RTTN: variants seen among roughly 807,000 people sequenced by gnomAD.
The protein encoded by RTTN is rotatin.
A neutral mutation model predicts 269.2 loss-of-function variants in RTTN; 182 were observed. The ratio of observed to expected loss-of-function variants is 0.68; its 90% CI spans 0.60 to 0.76. The LOEUF (loss-of-function observed/expected upper bound fraction) is 0.76. RTTN is among the 30% of genes least tolerant of loss of function. RTTN has a pLI of 0.00. For missense variants in RTTN, 2,545 were observed against 2,608.6 expected (o/e 0.98, Z 0.53); for synonymous variants, 1,006 against 963.5 (o/e 1.04, Z -0.82).
chr18:70,198,074 C>A (rs1032738488), intron 5 of RTTN, among the ~76,000 whole-genome samples: 4 of 152,278 alleles, frequency 2.6e-5, no homozygotes, highest in Admixed American at 2.6e-4. Flanking sequence ...AAAGAGCACA[C>A]AATTCTAGGA....
In RTTN at chr18:70,048,173, C is replaced by T; in HGVS notation, c.5339G>A (p.Cys1780Tyr). The T allele has an allele frequency of 1.2e-6, 2 of 1,613,878 alleles. No homozygotes were observed. The highest frequency in any genetic ancestry group is 1.3e-5 in the African/African-American group (1 of 75,040). ...AGGACACGTGGCAGACAAGCCTGCA[C>T]ATGTGCAGAACATATCTAAAGGAAT... The part of the protein sequence containing the change: ...WTAAIDMFCT[C>Y]AGLSATCPAL... The change falls in exon 40 of 49, where the codon TGT becomes TAT. Residue 1780 changes from cysteine to tyrosine, a missense_variant. Transcript: ENST00000640769.
Position 70,092,096 on chromosome 18 carries a change from T to C in RTTN, c.4143+14A>G. The C allele has an allele frequency of 6.5e-7, 1 of 1,528,044 alleles. No individual in the cohort carries two copies. 94.7% of individuals were successfully genotyped at this position (1,528,044 alleles called of 1,614,324 possible). A position where few individuals can be genotyped will look rare whatever the true frequency, so the allele number is the denominator to read the frequency against. ...AATCTAAACACAATACACTTGATTC[T>C]CCTTCACACTCACCTCTGGGTCCCG... On this transcript the variant is annotated intron_variant, in intron 30 of 48. Transcript: ENST00000640769.
chr18:70,155,163 T>A (rs2060641257), intron 14 of RTTN, among the ~76,000 whole-genome samples: 1 of 152,214 alleles, frequency 6.6e-6, no homozygotes, highest in South Asian at 2.1e-4. Context: ...ATTCTTTTTA[T>A]TATTTCAACA....
chr18:70,188,545 A>G (rs2061599500), intron 9 of RTTN, among the ~76,000 whole-genome samples: 1 of 152,246 alleles, frequency 6.6e-6, no homozygotes, highest in South Asian at 2.1e-4. Flanking sequence ...TTTACACGTA[A>G]TATGTGACAA....
At chr18:70,148,812 T>C in intron 17 of RTTN, 89 bp downstream of exon 17, 1 of 1,498,906 alleles carries the variant, frequency 6.7e-7, no homozygotes, top group East Asian at 2.3e-5. Flanking sequence ...AAAAATTCTT[T>C]AGTTTTGTTT....
At chr18:70,151,106 T>C (rs779952024) in intron 14 of RTTN, among the ~76,000 whole-genome samples, 67 of 149,640 alleles carry the variant, frequency 4.5e-4, no homozygotes, top group Non-Finnish European at 8.3e-4. Context: ...TGAAAAGACT[T>C]CAAGGACTTC....
intron 27 of RTTN, among the ~76,000 whole-genome samples, chr18:70,113,081 G>A (rs1008870944): frequency 6.6e-6 from 1 of 152,044 alleles, no homozygotes; most frequent in Non-Finnish European, 1.5e-5. Context: ...AGCAAATAAC[G>A]AAATGAAGGC....
intron 33 of RTTN, chr18:70,075,029 CA>C (rs2058390788): frequency 5.8e-6 from 1 of 171,898 alleles, no homozygotes. Context: ...TACTGATGGG[CA>C]TAACTTATAA....
chr18:70,075,952 T>C (rs1345971113), intron 32 of RTTN, among the ~76,000 whole-genome samples: 1 of 152,096 alleles, frequency 6.6e-6, no homozygotes, highest in Non-Finnish European at 1.5e-5. Flanking sequence ...CAGAATTATT[T>C]TTTATACCTA....
chr18:70,154,256 G>T (rs1225280011), intron 14 of RTTN, among the ~76,000 whole-genome samples: 1 of 151,046 alleles, frequency 6.6e-6, no homozygotes, highest in Admixed American at 6.6e-5. Context: ...AAATTATCTG[G>T]ATGTTAATTT....
In RTTN at chr18:70,004,104, T is replaced by C. The variant is rs965144587; in HGVS notation, c.*47A>G. ...ACACACAGCTGGCTTCAACTTTAGC[T>C]CCCCTGTTGATGACTGTCAGCTTCA... On this transcript the variant is annotated 3_prime_UTR_variant, in exon 49 of 49. Coordinates refer to ENST00000640769, the MANE Select transcript of RTTN (RefSeq NM_173630.4). 6.9e-7 allele frequency: 1 copy of C among 1,443,850 alleles called. No individual in the cohort carries two copies. Among genetic ancestry groups the C allele is most frequent in the Non-Finnish European group, 9.7e-7 (1 of 1,025,898 alleles). 89.4% of individuals were successfully genotyped at this position (1,443,850 alleles called of 1,614,324 possible). A position where few individuals can be genotyped will look rare whatever the true frequency, so the allele number is the denominator to read the frequency against.
intron 3 of RTTN, 63 bp downstream of exon 3, chr18:70,204,023 C>T: frequency 1.6e-6 from 2 of 1,248,828 alleles, no homozygotes; most frequent in Non-Finnish European, 2.2e-6. Context: ...ATCTAATCTC[C>T]CTTTCCTTAA....
At chr18:70,061,054 A>G (rs1290890393) in intron 35 of RTTN, among the ~76,000 whole-genome samples, 1 of 152,078 alleles carries the variant, frequency 6.6e-6, no homozygotes, top group East Asian at 1.9e-4. Context: ...CGTTGCAATC[A>G]ACATGGGAGT....
At chr18:70,099,269 TTTTAA>T (rs2059090723) in intron 28 of RTTN, among the ~76,000 whole-genome samples, 1 of 152,234 alleles carries the variant, frequency 6.6e-6, no homozygotes, top group Non-Finnish European at 1.5e-5. Flanking sequence ...TTTCCTGACA[TTTTAA>T]TGTTGCCATT....
Position 70,075,555 on chromosome 18 carries a change from G to C in RTTN, c.4375-14C>G. ...AACACAGGGACCCTGTAGGAAGAGA[G>C]GGAAAGAAGGAGGAGACACTGATTT... On this transcript the variant is annotated splice_polypyrimidine_tract_variant and intron_variant, in intron 32 of 48. Transcript: ENST00000640769. 6.5e-7 allele frequency: 1 copy of C among 1,541,246 alleles called. No individual in the cohort carries two copies. Among genetic ancestry groups the C allele is most frequent in the Non-Finnish European group, 8.7e-7 (1 of 1,152,478 alleles).
chr18:70,176,770 G>T lies in RTTN; in HGVS notation c.1381C>A (p.Gln461Lys). ...TGGTGCACAAGCATCACCTCTGGCTGCTCCAAACTGATACTACTTTTATGG... is the reference window on the plus strand; with the variant it reads ...TGGTGCACAAGCATCACCTCTGGCTTCTCCAAACTGATACTACTTTTATGG... ...CYHKSSISLE[Q>K]PEVMLVHHRM... The change falls in exon 11 of 49, where the codon CAG becomes AAG. Residue 461 changes from glutamine to lysine, a missense_variant. Physicochemically the swap from Gln to Lys is moderately conservative, Grantham distance 53. Transcript: ENST00000640769. The T allele has an allele frequency of 6.2e-7, 1 of 1,614,052 alleles. No homozygotes were observed. Among genetic ancestry groups the T allele is most frequent in the South Asian group, 1.1e-5 (1 of 91,066 alleles).
chr18:70,148,778 T>G, intron 17 of RTTN, 123 bp downstream of exon 17: 3 of 1,152,162 alleles, frequency 2.6e-6, no homozygotes, highest in Non-Finnish European at 2.5e-6. Context: ...TGGTTTCCTC[T>G]AGTAATGGAA....
intron 32 of RTTN, 96 bp downstream of exon 32, chr18:70,086,517 G>A: frequency 3.0e-6 from 3 of 996,786 alleles, no homozygotes; most frequent in Non-Finnish European, 3.1e-6. Flanking sequence ...CTTGTATATA[G>A]TTTCATCAAT....
At chr18:70,018,080 C>G (rs918474367) in intron 45 of RTTN, among the ~76,000 whole-genome samples, 6 of 152,166 alleles carry the variant, frequency 3.9e-5, no homozygotes, top group Non-Finnish European at 8.8e-5. Context: ...TACTAGTTAA[C>G]AACTCTGGAA....
Sources: allele counts gnomAD v4.1 joint callset (sites outside exome capture counted in the v4.1 genomes callset), GRCh38; gene constraint gnomAD v4.1.1; transcripts MANE v1.5; gene names NCBI Gene and HGNC (gene_info 2026-07-23, HGNC 2026-07-21).